The following EPB41L3 variants were observed in gnomAD, a reference collection of about 807,000 sequenced individuals.
EPB41L3 encodes band 4.1-like protein 3.
A neutral mutation model predicts 127.1 loss-of-function variants in EPB41L3; 57 were observed. The observed-to-expected ratio is 0.45, with a 90% CI of 0.36 to 0.56. The LOEUF is 0.56. EPB41L3 is among the 20% of genes least tolerant of loss of function. The pLI is 0.00. For missense variants in EPB41L3, 1,273 were observed against 1,372.2 expected (o/e 0.93, Z 1.14); for synonymous variants, 572 against 549.5 (o/e 1.04, Z -0.57).
chr18:5,499,829 G>GTATATATATATATATA (rs35194563), intron 1 of EPB41L3, among the ~76,000 whole-genome samples: 38 of 124,662 alleles, frequency 3.0e-4, no homozygotes, highest in African/African-American at 1.0e-3. Flanking sequence ...CTATGTGTGT[G>GTATATATATATATATA]TATATATATA....
rs781692643 is a variant in EPB41L3 at position 5,396,496 on chromosome 18, TCCTGGACTCTC to T, written c.2842-175_2842-165del. Among the ~76,000 whole-genome samples, 846 of 151,438 alleles carry T rather than the reference TCCTGGACTCTC, an allele frequency of 5.6e-3. 4 individuals are homozygous for T. Among genetic ancestry groups the T allele is most frequent in the South Asian group, 0.029 (138 of 4,800 alleles). On this transcript the variant is annotated intron_variant, in intron 18 of 22. Transcript: ENST00000341928. Reference sequence around the variant, plus strand: ...GGCATACAACATGCACATGTCAGTCTCCTGGACTCTCATAGCACTTTTATATGAAATGCTCC... The same window carrying T: ...GGCATACAACATGCACATGTCAGTCTATAGCACTTTTATATGAAATGCTCC...
intron 1 of EPB41L3, among the ~76,000 whole-genome samples, chr18:5,540,926 T>C (rs1030530231): frequency 1.3e-5 from 2 of 151,300 alleles, no homozygotes; most frequent in Admixed American, 6.6e-5. Flanking sequence ...CTACCAAAAA[T>C]ACAAAAAAAT....
intron 1 of EPB41L3, among the ~76,000 whole-genome samples, chr18:5,527,002 TCATTGGTTAAAAAAAAAAAAAA>T (rs2093244974): frequency 7.0e-6 from 1 of 143,358 alleles, no homozygotes; most frequent in Non-Finnish European, 1.5e-5. Context: ...AATAGAATAT[TCATTGGTTAAAAAAAAAAAAAA>T]AACTGTTTAC....
intron 3 of EPB41L3, among the ~76,000 whole-genome samples, chr18:5,467,793 G>A (rs2085276037): frequency 6.6e-6 from 1 of 152,158 alleles, no homozygotes; most frequent in Admixed American, 6.5e-5. Flanking sequence ...TGGCAGTGGT[G>A]GCCTGACTGG....
chr18:5,421,042 T>C (rs1468561821), intron 11 of EPB41L3, among the ~76,000 whole-genome samples: 1 of 152,186 alleles, frequency 6.6e-6, no homozygotes, highest in Non-Finnish European at 1.5e-5. Flanking sequence ...GCAGTTTATG[T>C]TGCAACATGC....
intron 8 of EPB41L3, among the ~76,000 whole-genome samples, chr18:5,430,864 CTT>C (rs888870694): frequency 2.0e-5 from 3 of 151,968 alleles, no homozygotes; most frequent in Non-Finnish European, 2.9e-5. Flanking sequence ...CCTGAGAAAT[CTT>C]TGGTTTTAAA....
intron 16 of EPB41L3, among the ~76,000 whole-genome samples, chr18:5,402,142 G>T (rs1361833211): frequency 6.6e-6 from 1 of 150,614 alleles, no homozygotes; most frequent in Non-Finnish European, 1.5e-5. Context: ...TCTTTCTAAT[G>T]AGAAACAAGC....
intron 3 of EPB41L3, among the ~76,000 whole-genome samples, chr18:5,561,023 G>C (rs955833494): frequency 1.4e-5 from 2 of 141,378 alleles, no homozygotes; most frequent in African/African-American, 5.1e-5. Flanking sequence ...TGTCGCCCAG[G>C]CTGGAGTGCA....
chr18:5,567,738 A>G (rs2094225870), intron 3 of EPB41L3, among the ~76,000 whole-genome samples: 4 of 152,148 alleles, frequency 2.6e-5, no homozygotes, highest in African/African-American at 2.4e-5. Flanking sequence ...CTAGTGGGGA[A>G]AAAAATGCTC....
chr18:5,396,499 T>G (rs541104882), intron 18 of EPB41L3, among the ~76,000 whole-genome samples, 167 bp from the exon 19 acceptor site: 3 of 150,248 alleles, frequency 2.0e-5, no homozygotes, highest in Non-Finnish European at 4.5e-5. Context: ...GTCAGTCTCC[T>G]GGACTCTCAT....
At chr18:5,420,647 CA>C (rs1429501767) in intron 11 of EPB41L3, among the ~76,000 whole-genome samples, 2 of 152,128 alleles carry the variant, frequency 1.3e-5, no homozygotes, top group African/African-American at 4.8e-5. Context: ...CATGCAAACT[CA>C]AGAGAATAAG....
At chr18:5,445,955 G>C (rs2146358906) in intron 3 of EPB41L3, among the ~76,000 whole-genome samples, 1 of 152,144 alleles carries the variant, frequency 6.6e-6, no homozygotes, top group South Asian at 2.1e-4. Flanking sequence ...GAAAAAAAAT[G>C]GTCTTCCATG....
Position 5,442,098 on chromosome 18 carries a change from T to G in EPB41L3, c.529+1740A>C, listed in dbSNP as rs142399381. Among the ~76,000 whole-genome samples, 331 of 152,348 alleles carry G rather than the reference T, an allele frequency of 2.2e-3. 1 individual carries two copies. Among genetic ancestry groups the G allele is most frequent in the Middle Eastern group, 0.01 (3 of 294 alleles). The stretch of plus-strand genomic sequence containing the variant: ...TTTGCAATTATTAATCAGCTCAGTA[T>G]TCCATTAATTAGATGAATAAGAGAA... On this transcript the variant is annotated intron_variant, in intron 5 of 22. Coordinates refer to ENST00000341928, the MANE Select transcript of EPB41L3 (RefSeq NM_012307.5).
At chr18:5,496,539 A>C (rs2091196004) in intron 1 of EPB41L3, among the ~76,000 whole-genome samples, 1 of 152,256 alleles carries the variant, frequency 6.6e-6, no homozygotes, top group Non-Finnish European at 1.5e-5. Context: ...GGAGTGGCAG[A>C]AGAACCAATT....
At chr18:5,486,983 C>T (rs1326296357) in intron 2 of EPB41L3, among the ~76,000 whole-genome samples, 1 of 152,058 alleles carries the variant, frequency 6.6e-6, no homozygotes, top group South Asian at 2.1e-4. Flanking sequence ...GGATATATGT[C>T]CAGAAGAAAG....
At chr18:5,520,118 T>A (rs183293942) in intron 1 of EPB41L3, among the ~76,000 whole-genome samples, 3 of 152,280 alleles carry the variant, frequency 2.0e-5, no homozygotes, top group Admixed American at 2.0e-4. Flanking sequence ...AAATGAGAGA[T>A]GCCCCAAAAA....
chr18:5,429,997 G>C (rs754697913), intron 8 of EPB41L3, among the ~76,000 whole-genome samples: 2 of 152,058 alleles, frequency 1.3e-5, no homozygotes, highest in Non-Finnish European at 2.9e-5. Flanking sequence ...TTTTCTTTTT[G>C]GTAACTATAG....
chr18:5,461,236 G>A (rs763083068), intron 3 of EPB41L3, among the ~76,000 whole-genome samples: 10 of 152,130 alleles, frequency 6.6e-5, no homozygotes, highest in Admixed American at 5.2e-4. Flanking sequence ...TGCCTCTTTA[G>A]TGACTTTATT....
chr18:5,428,229 G>A (rs2145535553), intron 9 of EPB41L3, 84 bp downstream of exon 9: 1 of 1,517,286 alleles, frequency 6.6e-7, no homozygotes. Context: ...ACAATGCTCA[G>A]AACTCATAAG....
Sources: allele counts gnomAD v4.1 joint callset (sites outside exome capture counted in the v4.1 genomes callset), GRCh38; gene constraint gnomAD v4.1.1; transcripts MANE v1.5; gene names NCBI Gene and HGNC (gene_info 2026-07-23, HGNC 2026-07-21).